NLRP7: variants seen among roughly 807,000 people sequenced by gnomAD.
The protein encoded by NLRP7 is NACHT, LRR and PYD domains-containing protein 7.
In NLRP7, 72 loss-of-function variants were observed where a neutral mutation model predicts 85.5. The observed-to-expected ratio is 0.84, with a 90% confidence interval of 0.70 to 1.02. The LOEUF (loss-of-function observed/expected upper bound fraction) is 1.02. NLRP7 is among the 50% of genes least tolerant of loss of function. The pLI, the probability that NLRP7 is intolerant of heterozygous loss-of-function variation, is 0.00. For synonymous variants in NLRP7, 550 were observed against 505.2 expected (o/e 1.09, Z -1.19); for missense variants, 1,243 against 1,219.5 (o/e 1.02, Z -0.29).
Position 54,930,490 on chromosome 19 carries a change from A to G in NLRP7, c.2810+9T>C, listed in dbSNP as rs774868372. On this transcript the variant is annotated intron_variant, in intron 9 of 9. Transcript: ENST00000340844. ...AAAAGAAAGAAAGAAGAAAAAGAAA[A>G]TCGCCTACCGTAGGTGTTTTAGGTT... 8 of 1,582,742 alleles carry G rather than the reference A, an allele frequency of 5.1e-6. No individual in the cohort carries two copies. The highest frequency in any genetic ancestry group is 6.9e-6 in the Non-Finnish European group (8 of 1,152,574).
intron 1 of NLRP7, among the ~76,000 whole-genome samples, chr19:54,960,561 T>A (rs2070006859): frequency 1.4e-5 from 1 of 73,678 alleles, no homozygotes; most frequent in African/African-American, 7.2e-5. Flanking sequence ...GAACAAAAGT[T>A]AGAAGAATTG....
intron 1 of NLRP7, among the ~76,000 whole-genome samples, chr19:54,960,333 T>G (rs2069998817): frequency 6.6e-6 from 1 of 151,670 alleles, no homozygotes; most frequent in Non-Finnish European, 1.5e-5. Context: ...CTTTTGTATT[T>G]TTAGTAGAGA....
chr19:54,942,623 A>C (rs1444027733), intron 1 of NLRP7, among the ~76,000 whole-genome samples: 2 of 151,756 alleles, frequency 1.3e-5, no homozygotes, highest in Non-Finnish European at 2.9e-5. Flanking sequence ...CCGAGACAGG[A>C]GAATCACACT....
intron 2 of NLRP7, 49 bp downstream of exon 2, chr19:54,941,386 A>AC: frequency 3.9e-6 from 4 of 1,038,338 alleles, no homozygotes; most frequent in Non-Finnish European, 5.4e-6. Flanking sequence ...CATCTCAAAA[A>AC]AAAAAAAAAA....
chr19:54,938,361 C>T, intron 4 of NLRP7, 120 bp from the exon 5 acceptor site: 1 of 775,884 alleles, frequency 1.3e-6, no homozygotes. Context: ...AAAACAGTGT[C>T]TATAGTAAAC....
At chr19:54,932,863 G>C (rs11879978) in intron 8 of NLRP7, among the ~76,000 whole-genome samples, 6 of 151,812 alleles carry the variant, frequency 4.0e-5, no homozygotes, top group African/African-American at 1.5e-4. Context: ...CACCATGTTG[G>C]CCAGGCTGGT....
At position 54,938,171 on chromosome 19, in the gene NLRP7, A is replaced by G. The variant is rs768491118; in HGVS notation, c.2002T>C (p.Cys668Arg). The G allele has an allele frequency of 1.9e-6, 3 of 1,614,146 alleles. No homozygotes were observed. Among genetic ancestry groups the G allele is most frequent in the South Asian group, 2.2e-5 (2 of 91,080 alleles). ...TTGCTGTTTGAGCTGAAGAGAGAGCAGAAATCTGTCCAGAGGCGAAGAGAG... is the reference window on the plus strand; with the variant it reads ...TTGCTGTTTGAGCTGAAGAGAGAGCGGAAATCTGTCCAGAGGCGAAGAGAG... The change falls in exon 5 of 10, where the codon TGC (cysteine) becomes CGC (arginine). Residue 668 changes from cysteine to arginine, a missense_variant. Cys to Arg is a radical substitution (Grantham distance 180, BLOSUM62 -3). Coordinates refer to ENST00000340844, the Ensembl canonical transcript of NLRP7.
At chr19:54,936,227 A>G (rs7359929) in intron 6 of NLRP7, 34 bp downstream of exon 6, 362,321 of 1,590,922 alleles carry the variant, frequency 0.23, 42,190 homozygotes, top group African/African-American at 0.31. Flanking sequence ...AGTGGACTCC[A>G]GGTGCTGGGG....
intron 6 of NLRP7, among the ~76,000 whole-genome samples, chr19:54,935,029 C>T (rs1251344927): frequency 6.6e-6 from 1 of 152,106 alleles, no homozygotes; most frequent in Non-Finnish European, 1.5e-5. Flanking sequence ...CTTCCCAAGA[C>T]ATTATGTCTT....
At chr19:54,933,423 G>A (rs1392384567) in intron 8 of NLRP7, 146 bp downstream of exon 8, 3 of 993,136 alleles carry the variant, frequency 3.0e-6, no homozygotes, top group South Asian at 2.8e-5. Flanking sequence ...GGGATTACAG[G>A]CATGAGCCAC....
At chr19:54,951,413 G>A (rs1432157893), upstream of NLRP7, among the ~76,000 whole-genome samples, 1 of 152,116 alleles carries the variant, frequency 6.6e-6, no homozygotes, top group Middle Eastern at 3.4e-3. Flanking sequence ...GGGCATGGTA[G>A]TTCAACGCCT....
intron 1 of NLRP7, among the ~76,000 whole-genome samples, chr19:54,946,304 C>A (rs546184020): frequency 2.2e-4 from 33 of 147,452 alleles, no homozygotes; most frequent in African/African-American, 8.0e-4. Context: ...CTCCGCCTCC[C>A]GGGTTCAAGT....
At chr19:54,959,507 TC>T (rs1411842228) in intron 1 of NLRP7, among the ~76,000 whole-genome samples, 1 of 151,396 alleles carries the variant, frequency 6.6e-6, no homozygotes, top group Non-Finnish European at 1.5e-5. Flanking sequence ...GTTTCTCTCT[TC>T]CCTCACCAGC....
At position 54,936,246 on chromosome 19, in the gene NLRP7, G is replaced by A. The variant is rs1214686808; in HGVS notation, c.2300+15C>T. ...GACTCCAGGTGCTGGGGAGAGCCGT[G>A]ACCGTGAGACCCACCTCAGGTACTG... On this transcript the variant is annotated intron_variant, in intron 6 of 9. Coordinates refer to ENST00000340844, the Ensembl canonical transcript of NLRP7. 6.2e-7 allele frequency: 1 copy of A among 1,610,742 alleles called. No homozygotes were observed. The highest frequency in any genetic ancestry group is 8.5e-7 in the Non-Finnish European group (1 of 1,178,358).
At chr19:54,946,659 A>C (rs899793863) in intron 1 of NLRP7, among the ~76,000 whole-genome samples, 1 of 146,288 alleles carries the variant, frequency 6.8e-6, no homozygotes, top group African/African-American at 2.5e-5. Flanking sequence ...TTGTTTTTTG[A>C]GACGGAGTCG....
intron 1 of NLRP7, among the ~76,000 whole-genome samples, chr19:54,963,880 CT>C (rs1475206842): frequency 7.0e-6 from 1 of 143,396 alleles, no homozygotes; most frequent in African/African-American, 2.5e-5. Context: ...TAAAACCCAA[CT>C]TTTTTCTTTT....
chr19:54,944,277 AC>A (rs1320511232), intron 1 of NLRP7, among the ~76,000 whole-genome samples: 2 of 152,070 alleles, frequency 1.3e-5, no homozygotes, highest in Non-Finnish European at 2.9e-5. Flanking sequence ...TGTTCCATCC[AC>A]CGAGATAGGG....
chr19:54,962,462 G>T (rs1164630000), intron 1 of NLRP7, among the ~76,000 whole-genome samples: 1 of 151,128 alleles, frequency 6.6e-6, no homozygotes, highest in Non-Finnish European at 1.5e-5. Context: ...GTAGAGATGG[G>T]ATTTCACCAT....
At chr19:54,954,534 A>AAT (rs1166035916) in intron 1 of NLRP7, among the ~76,000 whole-genome samples, 3,822 of 136,238 alleles carry the variant, frequency 0.028, 60 homozygotes, top group Non-Finnish European at 0.047. Context: ...GTCTCAAAAA[A>AAT]AAAAAAAAAA....
Sources: allele counts gnomAD v4.1 joint callset (sites outside exome capture counted in the v4.1 genomes callset), GRCh38; gene constraint gnomAD v4.1.1; transcripts MANE v1.5; gene names NCBI Gene and HGNC (gene_info 2026-07-23, HGNC 2026-07-21).